TXNDC5: variants seen among roughly 807,000 people sequenced by gnomAD.
The protein encoded by TXNDC5 is thioredoxin domain containing 5, also known as thioredoxin domain-containing protein 5.
Under a neutral mutation model 52.6 loss-of-function variants are expected in TXNDC5, and 44 were observed. That is an observed-to-expected ratio of 0.84 (90% CI 0.66 to 1.08). The LOEUF (loss-of-function observed/expected upper bound fraction) is 1.08, where lower values mean the gene tolerates loss of function less well. TXNDC5 is among the 50% of genes least tolerant of loss of function. The pLI is 0.00. For missense variants in TXNDC5, 600 were observed against 565.5 expected, an observed-to-expected ratio of 1.06 and a Z score of -0.62; for synonymous variants, 241 against 234.4, an observed-to-expected ratio of 1.03 and a Z score of -0.26.
At position 7,888,774 on chromosome 6, in the gene TXNDC5, C is replaced by A. The variant is rs1049030492; in HGVS notation, c.894G>T (p.Glu298Asp). The A allele has an allele frequency of 1.9e-6, 3 of 1,614,156 alleles. No individual in the cohort carries two copies. The highest frequency in any genetic ancestry group is 2.5e-6 in the Non-Finnish European group (3 of 1,180,032). The change falls in exon 7 of 10, where the codon GAG (glutamate) becomes GAT (aspartate). Residue 298 changes from glutamate to aspartate, a missense_variant. Transcript: ENST00000379757. ...EYVESQLQRT[E>D]TGATETVTPS... ...GCGTGACGGTCTCCGTCGCTCCAGT[C>A]TCTGTGCGCTGCAGCTGCGACTCCA...
At chr6:7,884,854 C>CT (rs1183760953) in intron 8 of TXNDC5, among the ~76,000 whole-genome samples, 1 of 152,230 alleles carries the variant, frequency 6.6e-6, no homozygotes, top group Non-Finnish European at 1.5e-5. Context: ...TAAAAGGTCA[C>CT]TTGAATGCCA....
chr6:7,893,999 G>A (rs573194282), intron 4 of TXNDC5, among the ~76,000 whole-genome samples: 2 of 152,282 alleles, frequency 1.3e-5, no homozygotes, highest in African/African-American at 4.8e-5. Flanking sequence ...AAATTTTATG[G>A]GGATCATTCT....
chr6:7,907,671 A>G (rs1253704161), intron 1 of TXNDC5, among the ~76,000 whole-genome samples: 2 of 152,194 alleles, frequency 1.3e-5, no homozygotes, highest in Non-Finnish European at 2.9e-5. Flanking sequence ...TGAGTCTTCT[A>G]TCTGAGCTCC....
In TXNDC5 at chr6:7,904,564, T is replaced by G. The variant is rs761286976; in HGVS notation, c.413+10A>C. On this transcript the variant is annotated intron_variant, in intron 2 of 9. Transcript: ENST00000379757. ...CACCTAGGAAGTGTGCCCCCTTCCT[T>G]CCAACTTACGTGGGGTATCCTCGCA... 9 of 1,613,390 alleles carry G rather than the reference T, an allele frequency of 5.6e-6. No homozygotes were observed. The highest frequency in any genetic ancestry group is 7.6e-6 in the Non-Finnish European group (9 of 1,179,464).
Position 7,885,998 on chromosome 6 carries a change from C to T in TXNDC5, c.1009G>A (p.Ala337Thr). ...LTENNFDDTI[A>T]EGITFIKFYA... is the part of the protein sequence containing the mutation. ...AACTTGATGAAGGTTATTCCTTCTG[C>T]AATGGTGTCATCGAAGTTATTTTCA... is the stretch of plus-strand genomic sequence containing the variant. Residue 337 changes from alanine (A) to threonine (T), a missense_variant, in exon 8 of 10, where the codon GCA becomes ACA. Coordinates refer to ENST00000379757, the MANE Select transcript of TXNDC5 (RefSeq NM_030810.5). 6.2e-7 allele frequency: 1 copy of T among 1,614,152 alleles called. No homozygotes were observed. Among genetic ancestry groups the T allele is most frequent in the Non-Finnish European group, 8.5e-7 (1 of 1,180,022 alleles).
Position 7,891,684 on chromosome 6 carries a change from C to T in TXNDC5, c.669G>A (p.Leu223=). ...GAGCCAGCTGCTCCCAGGTTGGAGC[C>T]AGGGCTTTGCAGTGACCACACCACG... is the stretch of plus-strand genomic sequence containing the variant. ...FAPWCGHCKA[L]APTWEQLALG... is the part of the protein sequence containing the mutation. Residue 223 remains leucine (L), a synonymous_variant, in exon 5 of 10, where the codon CTG becomes CTA. Coordinates refer to ENST00000379757, the MANE Select transcript of TXNDC5 (RefSeq NM_030810.5). 6.2e-7 allele frequency: 1 copy of T among 1,613,936 alleles called. No homozygotes were observed. The highest frequency in any genetic ancestry group is 8.5e-7 in the Non-Finnish European group (1 of 1,179,908).
intron 6 of TXNDC5, 59 bp downstream of exon 6, chr6:7,889,436 G>A: frequency 6.6e-7 from 1 of 1,504,938 alleles, no homozygotes; most frequent in Non-Finnish European, 9.2e-7. Flanking sequence ...CCACTCAGTA[G>A]CTCAGCCTGA....
At position 7,881,592 on chromosome 6, in the gene TXNDC5, A is replaced by C. The variant is rs1759740313; in HGVS notation, c.*1552T>G. The C allele has an allele frequency of 6.6e-6, 1 of 152,264 alleles. No individual in the cohort carries two copies. Among genetic ancestry groups the C allele is most frequent in the Non-Finnish European group, 1.5e-5 (1 of 68,046 alleles). 9.4% of individuals were successfully genotyped at this position (152,264 alleles called of 1,614,324 possible). A position where few individuals can be genotyped will look rare whatever the true frequency, so the allele number is the denominator to read the frequency against. On this transcript the variant is annotated 3_prime_UTR_variant, in exon 10 of 10. Transcript: ENST00000379757. ...ATTGTACCACTTTGATTTTCTTGGA[A>C]TACAAGACTCGTGATGCAAAGCTGA...
At chr6:7,907,162 T>TC (rs1235990929) in intron 1 of TXNDC5, among the ~76,000 whole-genome samples, 4 of 147,398 alleles carry the variant, frequency 2.7e-5, no homozygotes, top group Admixed American at 6.6e-5. Flanking sequence ...GCTTTTTTTT[T>TC]CCCTTTTTTT....
At chr6:7,891,143 C>T (rs1265904781) in intron 5 of TXNDC5, among the ~76,000 whole-genome samples, 6 of 152,334 alleles carry the variant, frequency 3.9e-5, no homozygotes, top group Non-Finnish European at 8.8e-5. Flanking sequence ...AGTTGTCAGA[C>T]ACCACTCTTG....
At chr6:7,884,180 G>T (rs1213383138) in intron 9 of TXNDC5, among the ~76,000 whole-genome samples, 179 bp downstream of exon 9, 1 of 152,144 alleles carries the variant, frequency 6.6e-6, no homozygotes, top group East Asian at 1.9e-4. Flanking sequence ...GGGCGAAGAA[G>T]AATGCCTTCC....
At chr6:7,890,009 G>A (rs895332879) in intron 5 of TXNDC5, among the ~76,000 whole-genome samples, 3 of 152,198 alleles carry the variant, frequency 2.0e-5, no homozygotes, top group African/African-American at 7.2e-5. Context: ...CTGAAGCTTA[G>A]AGGGTTTTAA....
intron 7 of TXNDC5, among the ~76,000 whole-genome samples, chr6:7,887,487 G>T (rs1367045169): frequency 8.2e-6 from 1 of 121,942 alleles, no homozygotes; most frequent in Non-Finnish European, 1.6e-5. Flanking sequence ...GACTCGCCTC[G>T]GACCCTCCCT....
chr6:7,896,775 G>A (rs756710642), intron 3 of TXNDC5, among the ~76,000 whole-genome samples: 19 of 152,162 alleles, frequency 1.2e-4, no homozygotes, highest in Non-Finnish European at 2.6e-4. Context: ...TGGCACATGC[G>A]GGGCCTCTAG....
chr6:7,910,433 C>G, intron 1 of TXNDC5, 81 bp downstream of exon 1: 2 of 1,247,532 alleles, frequency 1.6e-6, no homozygotes, highest in Non-Finnish European at 2.0e-6. Flanking sequence ...GGCCCCGGGA[C>G]CCCCCGCCCG....
chr6:7,883,525 G>A (rs1056819701), intron 9 of TXNDC5, among the ~76,000 whole-genome samples: 5 of 152,162 alleles, frequency 3.3e-5, no homozygotes, highest in East Asian at 1.9e-4. Flanking sequence ...TAAAGCAGAC[G>A]CTTTCAGTCT....
At chr6:7,896,954 T>A (rs974151332) in intron 3 of TXNDC5, among the ~76,000 whole-genome samples, 7 of 152,226 alleles carry the variant, frequency 4.6e-5, no homozygotes, top group African/African-American at 9.7e-5. Flanking sequence ...TCTTTTTTTT[T>A]ATTCTTGGCC....
Position 7,883,104 on chromosome 6 carries a change from T to A in TXNDC5, c.*40A>T. 2 of 1,613,332 alleles carry A rather than the reference T, an allele frequency of 1.2e-6. No individual in the cohort carries two copies. The highest frequency in any genetic ancestry group is 1.7e-6 in the Non-Finnish European group (2 of 1,179,770). On this transcript the variant is annotated 3_prime_UTR_variant, in exon 10 of 10. Transcript: ENST00000379757. Reference sequence around the variant, plus strand: ...TGGGACTGAACTCCTAAACGCAGGGTGCGGGAGCTGGGCAGGAGAGGTGAC... The same window carrying A: ...TGGGACTGAACTCCTAAACGCAGGGAGCGGGAGCTGGGCAGGAGAGGTGAC...
chr6:7,899,651 A>G lies in TXNDC5; in HGVS notation c.444T>C (p.Ala148=). 6.2e-7 allele frequency: 1 copy of G among 1,614,102 alleles called. No homozygotes were observed. Among genetic ancestry groups the G allele is most frequent in the Non-Finnish European group, 8.5e-7 (1 of 1,180,000 alleles). The part of the protein sequence containing the change: ...TLKLFKPGQE[A]VKYQGPRDFQ... ...AGTCCCGAGGACCCTGGTACTTCAC[A>G]GCTTCTTGGCCTGGCTTGAAAAGCT... Residue 148 remains alanine (A), a synonymous_variant, in exon 3 of 10, where the codon GCT becomes GCC. Transcript: ENST00000379757.
Sources: allele counts gnomAD v4.1 joint callset (sites outside exome capture counted in the v4.1 genomes callset), GRCh38; gene constraint gnomAD v4.1.1; transcripts MANE v1.5; gene names NCBI Gene and HGNC (gene_info 2026-07-23, HGNC 2026-07-21).